The following CSMD3 variants were observed in gnomAD, a reference collection of about 807,000 sequenced individuals.
CSMD3 encodes CUB and Sushi multiple domains 3.
Under a neutral mutation model 435.2 loss-of-function variants are expected in CSMD3, and 177 were observed. The ratio of observed to expected loss-of-function variants is 0.41; its 90% CI spans 0.36 to 0.46. CSMD3 has a LOEUF of 0.46. Ranked by LOEUF, CSMD3 falls within the 20% of genes least tolerant of loss-of-function variation. The pLI is 0.34. For synonymous variants in CSMD3, 1,656 were observed against 1,520.5 expected, an observed-to-expected ratio of 1.09 and a Z score of -2.07; for missense variants, 4,265 against 4,504.6, an observed-to-expected ratio of 0.95 and a Z score of 1.52.
chr8:112,648,866 TA>T (rs2075051373), intron 19 of CSMD3, among the ~76,000 whole-genome samples: 1 of 152,196 alleles, frequency 6.6e-6, no homozygotes, highest in South Asian at 2.1e-4. Flanking sequence ...ACCACAGGGA[TA>T]GATGAGCACA....
intron 16 of CSMD3, among the ~76,000 whole-genome samples, chr8:112,679,495 C>T (rs557218194): frequency 6.6e-6 from 1 of 152,268 alleles, no homozygotes; most frequent in South Asian, 2.1e-4. Flanking sequence ...CCATCAGAAA[C>T]TTCATAAGGG....
At chr8:112,243,094 T>A (rs950983) in intron 65 of CSMD3, among the ~76,000 whole-genome samples, 35,886 of 152,014 alleles carry the variant, frequency 0.24, 4,408 homozygotes, top group East Asian at 0.36. Context: ...ATTACAGTTG[T>A]AAACACTTTG....
At chr8:113,123,349 T>C (rs1323696073) in intron 4 of CSMD3, among the ~76,000 whole-genome samples, 1 of 152,110 alleles carries the variant, frequency 6.6e-6, no homozygotes, top group African/African-American at 2.4e-5. Context: ...AAAATTATGC[T>C]TTATCAATAT....
chr8:112,895,442 T>C (rs2081923367), intron 10 of CSMD3, among the ~76,000 whole-genome samples: 1 of 151,264 alleles, frequency 6.6e-6, no homozygotes, highest in African/African-American at 2.4e-5. Flanking sequence ...AGAAAAAATA[T>C]AAGCTGATTT....
At chr8:113,076,020 T>C (rs1260380334) in intron 5 of CSMD3, among the ~76,000 whole-genome samples, 1 of 151,846 alleles carries the variant, frequency 6.6e-6, no homozygotes, top group East Asian at 1.9e-4. Flanking sequence ...GTATTCCTAC[T>C]GAGTAGTTTC....
chr8:113,211,147 T>G (rs1466914795), intron 3 of CSMD3, among the ~76,000 whole-genome samples: 1 of 152,144 alleles, frequency 6.6e-6, no homozygotes, highest in African/African-American at 2.4e-5. Flanking sequence ...ACAAATATAC[T>G]CAAATATAAA....
intron 4 of CSMD3, among the ~76,000 whole-genome samples, chr8:113,109,446 T>C (rs1051282765): frequency 6.6e-6 from 1 of 152,088 alleles, no homozygotes; most frequent in Non-Finnish European, 1.5e-5. Flanking sequence ...TAAAATACAA[T>C]GGTCAGACAG....
intron 3 of CSMD3, among the ~76,000 whole-genome samples, chr8:113,230,549 T>C (rs1014567438): frequency 2.0e-5 from 3 of 151,540 alleles, no homozygotes; most frequent in African/African-American, 7.3e-5. Context: ...AAAGTAAAAG[T>C]ATAAATAGGT....
chr8:113,393,983 TTTTATAAAGTGAGGTTTAGTATA>T (rs1193236844), intron 1 of CSMD3, among the ~76,000 whole-genome samples: 1 of 152,046 alleles, frequency 6.6e-6, no homozygotes, highest in Non-Finnish European at 1.5e-5. Flanking sequence ...ATATGCTTAA[TTTTATAAAGTGAGGTTTAGTATA>T]ATGATGGATA....
At chr8:112,541,931 G>A (rs1826701408) in intron 27 of CSMD3, among the ~76,000 whole-genome samples, 2 of 151,768 alleles carry the variant, frequency 1.3e-5, no homozygotes, top group Admixed American at 6.6e-5. Context: ...AATGTTAAAA[G>A]GATCACACAC....
intron 13 of CSMD3, among the ~76,000 whole-genome samples, chr8:112,779,017 A>G (rs1184678570): frequency 6.6e-6 from 1 of 151,882 alleles, no homozygotes; most frequent in Non-Finnish European, 1.5e-5. Flanking sequence ...TTTTTTAAAT[A>G]AGGTTGGTCA....
intron 2 of CSMD3, among the ~76,000 whole-genome samples, chr8:113,286,553 T>C (rs1405688918): frequency 6.6e-6 from 1 of 152,054 alleles, no homozygotes; most frequent in African/African-American, 2.4e-5. Context: ...AGCATCAGAC[T>C]TGTTAAAGCA....
intron 12 of CSMD3, among the ~76,000 whole-genome samples, chr8:112,802,351 T>C (rs1018317860): frequency 6.6e-6 from 1 of 152,062 alleles, no homozygotes; most frequent in African/African-American, 2.4e-5. Context: ...GATGATGCCC[T>C]GTCTCTACTT....
At chr8:112,388,453 A>G (rs576283841) in intron 36 of CSMD3, among the ~76,000 whole-genome samples, 1 of 152,310 alleles carries the variant, frequency 6.6e-6, no homozygotes, top group East Asian at 1.9e-4. Context: ...AGATTTATGA[A>G]AGACAAACCT....
At chr8:112,696,410 G>A (rs1273357747) in intron 13 of CSMD3, among the ~76,000 whole-genome samples, 8 of 151,914 alleles carry the variant, frequency 5.3e-5, no homozygotes, top group East Asian at 3.9e-4. Flanking sequence ...GAGCCCTCAG[G>A]AATAATACCA....
intron 6 of CSMD3, among the ~76,000 whole-genome samples, chr8:112,985,190 T>G (rs1161874196): frequency 6.6e-6 from 1 of 152,098 alleles, no homozygotes; most frequent in Admixed American, 6.5e-5. Context: ...GAAGACTTTC[T>G]AGTTGAAGAG....
intron 4 of CSMD3, among the ~76,000 whole-genome samples, chr8:113,118,415 A>T (rs1251967905): frequency 1.3e-5 from 2 of 152,218 alleles, no homozygotes; most frequent in East Asian, 3.9e-4. Flanking sequence ...CTGCTCTAGA[A>T]TCAGAAAGAC....
chr8:112,806,561 G>A (rs376406086), intron 12 of CSMD3, among the ~76,000 whole-genome samples: 15 of 152,304 alleles, frequency 9.8e-5, no homozygotes, highest in African/African-American at 3.4e-4. Flanking sequence ...ATTGATCCCA[G>A]TATTGTGCTT....
intron 12 of CSMD3, among the ~76,000 whole-genome samples, chr8:112,828,701 T>C (rs2079772549): frequency 6.6e-6 from 1 of 152,208 alleles, no homozygotes; most frequent in African/African-American, 2.4e-5. Flanking sequence ...TGTAAAATGC[T>C]GGCCCATTTG....
Sources: allele counts gnomAD v4.1 joint callset (sites outside exome capture counted in the v4.1 genomes callset), GRCh38; gene constraint gnomAD v4.1.1; transcripts MANE v1.5; gene names NCBI Gene and HGNC (gene_info 2026-07-23, HGNC 2026-07-21).